Variants in ADCY2 observed in about 807,000 individuals in gnomAD.
ADCY2 encodes adenylate cyclase 2.
A neutral mutation model predicts 125.2 loss-of-function variants in ADCY2; 31 were observed. The observed-to-expected ratio is 0.25, with a 90% CI of 0.19 to 0.33. The LOEUF (loss-of-function observed/expected upper bound fraction) is 0.33. ADCY2 is among the 10% of genes least tolerant of loss of function. The pLI, the probability that ADCY2 is intolerant of heterozygous loss-of-function variation, is 1.00. For synonymous variants in ADCY2, 512 were observed against 548.4 expected, an observed-to-expected ratio of 0.93 and a Z score of 0.93; for missense variants, 904 against 1,418.2, an observed-to-expected ratio of 0.64 and a Z score of 5.82.
chr5:7,687,282 A>T (rs1740551136), intron 4 of ADCY2, among the ~76,000 whole-genome samples: 1 of 152,190 alleles, frequency 6.6e-6, no homozygotes, highest in African/African-American at 2.4e-5. Flanking sequence ...GAAAAGGATT[A>T]CTATATTTGA....
In ADCY2 at chr5:7,597,929, C is replaced by A. The variant is rs1027528311; in HGVS notation, c.571-28238C>A. On this transcript the variant is annotated intron_variant, in intron 3 of 24. Coordinates refer to ENST00000338316, the MANE Select transcript of ADCY2 (RefSeq NM_020546.3). ...GTGGAAAAATCCTTGCAATGTCTTA[C>A]TGGCAAATTCTACTGAAGGAGCTTT... Among the ~76,000 whole-genome samples, 9 of 152,288 alleles carry A rather than the reference C, an allele frequency of 5.9e-5. No individual in the cohort carries two copies. In the East Asian group the frequency reaches 1.5e-3, roughly 26 times the overall value.
chr5:7,595,983 A>G (rs1275965895), intron 3 of ADCY2, among the ~76,000 whole-genome samples: 1 of 152,172 alleles, frequency 6.6e-6, no homozygotes, highest in Non-Finnish European at 1.5e-5. Context: ...TGACTATAGT[A>G]GCAAATTATA....
At chr5:7,498,905 G>T (rs974123710) in intron 2 of ADCY2, among the ~76,000 whole-genome samples, 45 of 152,070 alleles carry the variant, frequency 3.0e-4, no homozygotes, top group African/African-American at 1.0e-3. Context: ...GTATAATGTT[G>T]GCCAGAAAAA....
intron 3 of ADCY2, among the ~76,000 whole-genome samples, chr5:7,561,713 T>C (rs10475377): frequency 0.37 from 56,721 of 152,064 alleles, 11,320 homozygotes; most frequent in African/African-American, 0.42. Context: ...ATTACACAAG[T>C]TATATGTTTG....
intron 2 of ADCY2, among the ~76,000 whole-genome samples, chr5:7,469,358 C>A (rs567264802): frequency 1.3e-5 from 2 of 152,020 alleles, no homozygotes; most frequent in South Asian, 4.2e-4. Context: ...TAATATTCTA[C>A]TCATTATAGA....
At chr5:7,476,549 C>G (rs1742532255) in intron 2 of ADCY2, among the ~76,000 whole-genome samples, 2 of 152,170 alleles carry the variant, frequency 1.3e-5, no homozygotes, top group African/African-American at 4.8e-5. Context: ...AGGCCCCTTC[C>G]CTTTGGGTGT....
At chr5:7,825,368 T>G (rs1745444333) in intron 24 of ADCY2, among the ~76,000 whole-genome samples, 1 of 151,394 alleles carries the variant, frequency 6.6e-6, no homozygotes, top group South Asian at 2.1e-4. Context: ...TTGTGTGCCG[T>G]AACAACGCTG....
chr5:7,412,325 G>A (rs1333886016), intron 1 of ADCY2, among the ~76,000 whole-genome samples: 3 of 152,188 alleles, frequency 2.0e-5, no homozygotes, highest in Non-Finnish European at 4.4e-5. Flanking sequence ...CTAGGAAATA[G>A]GTTTCCTGAT....
intron 4 of ADCY2, among the ~76,000 whole-genome samples, chr5:7,678,378 A>G (rs2126711824): frequency 6.6e-6 from 1 of 152,342 alleles, no homozygotes. Context: ...ATGTTGCTTC[A>G]TCAGCCCTAG....
At chr5:7,569,314 T>C (rs1031530220) in intron 3 of ADCY2, among the ~76,000 whole-genome samples, 1 of 152,172 alleles carries the variant, frequency 6.6e-6, no homozygotes, top group African/African-American at 2.4e-5. Flanking sequence ...TCACACCTGC[T>C]AAGGGTGGGT....
At chr5:7,689,215 G>A (rs1055617509) in intron 4 of ADCY2, among the ~76,000 whole-genome samples, 5 of 152,176 alleles carry the variant, frequency 3.3e-5, no homozygotes, top group Admixed American at 1.3e-4. Context: ...TGCACTTGCT[G>A]TCAGACGAGA....
chr5:7,774,864 A>G (rs547124892), intron 18 of ADCY2, among the ~76,000 whole-genome samples: 84 of 152,274 alleles, frequency 5.5e-4, no homozygotes, highest in African/African-American at 2.0e-3. Flanking sequence ...AATTTTGTGG[A>G]TACATAATAG....
intron 15 of ADCY2, among the ~76,000 whole-genome samples, chr5:7,745,442 A>T (rs2126437017): frequency 6.6e-6 from 1 of 152,354 alleles, no homozygotes; most frequent in South Asian, 2.1e-4. Flanking sequence ...CACACATAGC[A>T]TCTCGATTCT....
chr5:7,688,506 T>C (rs1413742288), intron 4 of ADCY2, among the ~76,000 whole-genome samples: 1 of 152,030 alleles, frequency 6.6e-6, no homozygotes, highest in Non-Finnish European at 1.5e-5. Flanking sequence ...CGACCTCAGG[T>C]GATCTGCCCG....
At chr5:7,698,438 C>A in intron 7 of ADCY2, 64 bp downstream of exon 7, 1 of 1,558,508 alleles carries the variant, frequency 6.4e-7, no homozygotes, top group Non-Finnish European at 8.8e-7. Context: ...ATGTGCACAA[C>A]GTGCAGGTTT....
chr5:7,424,777 T>C (rs1740327887), intron 2 of ADCY2, among the ~76,000 whole-genome samples: 2 of 152,192 alleles, frequency 1.3e-5, no homozygotes, highest in African/African-American at 2.4e-5. Context: ...ATGTATGTAT[T>C]AGGCAGCATT....
intron 15 of ADCY2, among the ~76,000 whole-genome samples, chr5:7,752,355 A>G (rs1306162692): frequency 2.6e-5 from 4 of 152,212 alleles, no homozygotes; most frequent in Non-Finnish European, 5.9e-5. Flanking sequence ...ACACAAAAGT[A>G]CATGTTTATA....
At chr5:7,503,014 C>T (rs1743652850) in intron 2 of ADCY2, among the ~76,000 whole-genome samples, 2 of 152,184 alleles carry the variant, frequency 1.3e-5, no homozygotes. Context: ...TTTGTCGGAG[C>T]TGTTTGTCTG....
intron 1 of ADCY2, among the ~76,000 whole-genome samples, chr5:7,414,153 G>GT (rs1015387875): frequency 1.3e-5 from 2 of 152,094 alleles, no homozygotes; most frequent in Non-Finnish European, 2.9e-5. Context: ...TTTGAAAGAA[G>GT]TTTTTTAAAT....
Sources: allele counts gnomAD v4.1 joint callset (sites outside exome capture counted in the v4.1 genomes callset), GRCh38; gene constraint gnomAD v4.1.1; transcripts MANE v1.5; gene names NCBI Gene and HGNC (gene_info 2026-07-23, HGNC 2026-07-21).